Variants in SV2B observed in about 807,000 individuals in gnomAD.
SV2B encodes solute carrier family 22 member B2.
SV2B carries 41 observed loss-of-function variants against 73.9 expected under a neutral mutation model. The observed-to-expected ratio is 0.56, with a 90% CI of 0.43 to 0.72. The LOEUF (loss-of-function observed/expected upper bound fraction) is 0.72, where lower values mean the gene tolerates loss of function less well. Ranked by LOEUF, SV2B falls within the 30% of genes least tolerant of loss-of-function variation. The probability of loss-of-function intolerance (pLI) is 0.00; values close to 1 mark genes in which losing one functional copy is unlikely to be tolerated. For synonymous variants in SV2B, 314 were observed against 314.2 expected (o/e 1.00, Z 0.01); for missense variants, 764 against 857.8 (o/e 0.89, Z 1.37).
intron 1 of SV2B, among the ~76,000 whole-genome samples, chr15:91,198,415 C>T (rs1480157233): frequency 3.3e-5 from 5 of 150,692 alleles, no homozygotes; most frequent in African/African-American, 1.2e-4. Flanking sequence ...GCTTTTTCTT[C>T]TCAGTGACAG....
rs2049403191 is a variant in SV2B, at chr15:91,300,372, ATGAGT to A, written c.*7822_*7826del. ...TTGTTACTTCTCTGTTCTTGATGTAATGAGTTAAGTAGATGAAAGAGATTAAGGTG... is the reference window on the plus strand; with the variant it reads ...TTGTTACTTCTCTGTTCTTGATGTAATAAGTAGATGAAAGAGATTAAGGTG... On this transcript the variant is annotated 3_prime_UTR_variant, in exon 13 of 13. Coordinates refer to ENST00000394232, the MANE Select transcript of SV2B (RefSeq NM_001323032.3). 1.3e-5 allele frequency: 2 copies of A among 152,178 alleles called. No homozygotes were observed. The highest frequency in any genetic ancestry group is 6.5e-5 in the Admixed American group (1 of 15,280). 9.4% of individuals were successfully genotyped at this position (152,178 alleles called of 1,614,324 possible).
intron 9 of SV2B, among the ~76,000 whole-genome samples, chr15:91,276,814 A>G (rs1453012768): frequency 2.7e-5 from 4 of 148,910 alleles, no homozygotes; most frequent in African/African-American, 7.4e-5. Flanking sequence ...TGTTATTATT[A>G]TTATTATTAT....
At position 91,209,019 on chromosome 15, in the gene SV2B, A is replaced by T. The variant is rs1311377677; in HGVS notation, c.-391-16854A>T. ...AGTGCCAGGTCCTGCTTCCTGCTACATAGGTGACAGAAGAGTCAGAGATAG... is the reference window on the plus strand; with the variant it reads ...AGTGCCAGGTCCTGCTTCCTGCTACTTAGGTGACAGAAGAGTCAGAGATAG... On this transcript the variant is annotated intron_variant, in intron 1 of 12. Transcript: ENST00000394232. Among the ~76,000 whole-genome samples, 3 of 152,000 alleles carry T rather than the reference A, an allele frequency of 2.0e-5. No individual in the cohort carries two copies. In the South Asian group the frequency reaches 6.2e-4, roughly 32 times the overall value.
In SV2B at chr15:91,251,808, C is replaced by T. The variant is rs1401600767; in HGVS notation, c.452-11C>T. ...TCTCTCTATTCTCTCCTCTCCTCCC[C>T]CTCATTGCAGGGATGATAGTCTACT... On this transcript the variant is annotated splice_polypyrimidine_tract_variant and intron_variant, in intron 2 of 12. Coordinates refer to ENST00000394232, the MANE Select transcript of SV2B (RefSeq NM_001323032.3). 4 of 1,613,362 alleles carry T rather than the reference C, an allele frequency of 2.5e-6. No individual in the cohort carries two copies. Among genetic ancestry groups the T allele is most frequent in the Non-Finnish European group, 3.4e-6 (4 of 1,179,534 alleles).
At chr15:91,168,053 T>A (rs1295250109) in intron 1 of SV2B, among the ~76,000 whole-genome samples, 1 of 152,134 alleles carries the variant, frequency 6.6e-6, no homozygotes, top group Non-Finnish European at 1.5e-5. Context: ...ATAGTTCAGT[T>A]CCCAGAGGTT....
chr15:91,277,703 C>G (rs528714183), intron 9 of SV2B, among the ~76,000 whole-genome samples: 7 of 152,092 alleles, frequency 4.6e-5, no homozygotes, highest in Non-Finnish European at 1.0e-4. Context: ...ATCCATTTAC[C>G]TGTTGAAGGG....
chr15:91,215,265 C>G (rs2045986664), intron 1 of SV2B, among the ~76,000 whole-genome samples: 1 of 152,182 alleles, frequency 6.6e-6, no homozygotes, highest in South Asian at 2.1e-4. Context: ...GAAACTGTTT[C>G]CTGGGGTAAG....
At chr15:91,286,419 T>TACCCAC (rs1313888310) in intron 11 of SV2B, among the ~76,000 whole-genome samples, 2 of 152,200 alleles carry the variant, frequency 1.3e-5, no homozygotes, top group African/African-American at 4.8e-5. Flanking sequence ...ATTAGGCTGC[T>TACCCAC]ACCCACTCAT....
chr15:91,268,585 T>C lies in SV2B; in HGVS notation c.1353T>C (p.His451=). Residue 451 remains histidine, a synonymous_variant, in exon 9 of 13, where the codon CAT becomes CAC. Transcript: ENST00000394232. The surrounding 1 kb of genome is among the most constrained non-coding windows in gnomAD (Gnocchi z 4.4). ...CGATGGAAAATCAGATCCACCAACATGGGAAACTTGTGAATGATAAGTAAG... is the reference window on the plus strand; with the variant it reads ...CGATGGAAAATCAGATCCACCAACACGGGAAACTTGTGAATGATAAGTAAG... ...NFTMENQIHQ[H]GKLVNDKFTR... is the part of the protein sequence containing the mutation. The C allele has an allele frequency of 6.2e-7, 1 of 1,613,396 alleles. No homozygotes were observed. The highest frequency in any genetic ancestry group is 8.5e-7 in the Non-Finnish European group (1 of 1,179,418).
chr15:91,263,329 C>T (rs2047985694), intron 6 of SV2B, among the ~76,000 whole-genome samples: 3 of 151,576 alleles, frequency 2.0e-5, no homozygotes, highest in South Asian at 2.1e-4. Context: ...CACAGAGGCA[C>T]ACATACAGAC....
chr15:91,198,003 A>G (rs2045313639), intron 1 of SV2B, among the ~76,000 whole-genome samples: 1 of 152,174 alleles, frequency 6.6e-6, no homozygotes, highest in Admixed American at 6.5e-5. Context: ...CCATTACACT[A>G]CAGCCTGGGC....
chr15:91,144,896 G>GTTTT (rs57977211), intron 1 of SV2B, among the ~76,000 whole-genome samples: 1 of 143,066 alleles, frequency 7.0e-6, no homozygotes, highest in African/African-American at 2.5e-5. Context: ...GAAGAGAACT[G>GTTTT]TTTTTTTTTT....
intron 1 of SV2B, among the ~76,000 whole-genome samples, chr15:91,162,601 A>T (rs942303473): frequency 9.2e-5 from 14 of 152,166 alleles, no homozygotes; most frequent in Admixed American, 1.3e-4. Context: ...TCAGGGCATC[A>T]CCAAGCTAAA....
chr15:91,179,418 G>A (rs1332017160), intron 1 of SV2B, among the ~76,000 whole-genome samples: 3 of 152,182 alleles, frequency 2.0e-5, no homozygotes, highest in African/African-American at 7.2e-5. Context: ...TCCTCTTGGT[G>A]CAGAGCTGAG....
chr15:91,223,812 C>G lies in SV2B; in HGVS notation c.-391-2061C>G, dbSNP rs1312021510. 6.6e-6 allele frequency among the ~76,000 whole-genome samples: 1 copy of G among 152,180 alleles called. No individual in the cohort carries two copies. Among genetic ancestry groups the G allele is most frequent in the African/African-American group, 2.4e-5 (1 of 41,444 alleles). On this transcript the variant is annotated intron_variant, in intron 1 of 12. Transcript: ENST00000394232. This position sits in a 1 kb window ranked among gnomAD's most constrained non-coding sequence, Gnocchi z 4.6. ...GGAAAGAGTAGAGTGCGAATCATTTCTTAGTAAGTATTTCTTGCTGGCTTC... is the reference window on the plus strand; with the variant it reads ...GGAAAGAGTAGAGTGCGAATCATTTGTTAGTAAGTATTTCTTGCTGGCTTC...
At chr15:91,182,914 A>T (rs1567322649) in intron 1 of SV2B, among the ~76,000 whole-genome samples, 1 of 152,210 alleles carries the variant, frequency 6.6e-6, no homozygotes. Flanking sequence ...ATTCATCTGT[A>T]TACCCATAGG....
intron 11 of SV2B, among the ~76,000 whole-genome samples, chr15:91,285,342 G>A (rs1270028919): frequency 6.6e-6 from 1 of 152,162 alleles, no homozygotes; most frequent in Non-Finnish European, 1.5e-5. Flanking sequence ...GCAGTGCCTG[G>A]GTAGTCTTGA....
rs1035921531 is a variant in SV2B, at chr15:91,253,351, A to C, written c.784+831A>C. On this transcript the variant is annotated intron_variant, in intron 4 of 12. Coordinates refer to ENST00000394232, the MANE Select transcript of SV2B (RefSeq NM_001323032.3). The surrounding 1 kb of genome is among the most constrained non-coding windows in gnomAD (Gnocchi z 5.0). The stretch of plus-strand genomic sequence containing the variant: ...TAGCAGACAGCTGCCCCTGAAGCTG[A>C]CTGATAGTTTACCACCTATTTATTG... 5.3e-5 allele frequency among the ~76,000 whole-genome samples: 8 copies of C among 152,166 alleles called. No individual in the cohort carries two copies. Among genetic ancestry groups the C allele is most frequent in the Non-Finnish European group, 1.2e-4 (8 of 68,028 alleles).
At position 91,292,997 on chromosome 15, in the gene SV2B, AG is replaced by A. The variant is rs2049099191; in HGVS notation, c.*446del. On this transcript the variant is annotated 3_prime_UTR_variant, in exon 13 of 13. Transcript: ENST00000394232. ...GCTGGAAGTTAGAGTCATTATATGA[AG>A]ATTGGGCTTGAAGTATATATTTTTG... 6.5e-6 allele frequency: 1 copy of A among 154,090 alleles called. No individual in the cohort carries two copies. The highest frequency in any genetic ancestry group is 6.5e-5 in the Admixed American group (1 of 15,388). 9.5% of individuals were successfully genotyped at this position (154,090 alleles called of 1,614,324 possible).
Sources: gnomAD v4.1 joint callset for allele counts (sites outside exome capture counted in the v4.1 genomes callset) on GRCh38, gnomAD v4.1.1 for gene constraint, Gnocchi (gnomAD v3.1) non-coding constraint, MANE v1.5 for transcripts, NCBI Gene and HGNC (gene_info 2026-07-23, HGNC 2026-07-21) for gene names.